Variants in PRKD3 observed in about 807,000 individuals in gnomAD.
The protein encoded by PRKD3 is serine/threonine-protein kinase D3.
PRKD3 carries 47 observed loss-of-function variants against 99.2 expected under a neutral mutation model. The observed-to-expected ratio is 0.47, with a 90% CI of 0.38 to 0.60. The LOEUF (loss-of-function observed/expected upper bound fraction) is 0.60, where lower values mean the gene tolerates loss of function less well. PRKD3 is among the 20% of genes least tolerant of loss of function. The pLI is 0.00. For synonymous variants in PRKD3, 392 were observed against 355.4 expected (o/e 1.10, Z -1.16); for missense variants, 1,019 against 1,088.4 (o/e 0.94, Z 0.90).
At chr2:37,265,878 T>C (rs924102678) in intron 14 of PRKD3, among the ~76,000 whole-genome samples, 1 of 152,178 alleles carries the variant, frequency 6.6e-6, no homozygotes, top group African/African-American at 2.4e-5. Context: ...TTATGATCCA[T>C]AGCTGATAAG....
chr2:37,319,085 C>T (rs1671774036), intron 1 of PRKD3, among the ~76,000 whole-genome samples: 1 of 152,278 alleles, frequency 6.6e-6, no homozygotes, highest in East Asian at 1.9e-4. Flanking sequence ...GTTCTAAGCA[C>T]TTTATACATA....
At chr2:37,292,824 T>TA (rs1670498175) in intron 3 of PRKD3, among the ~76,000 whole-genome samples, 1 of 151,572 alleles carries the variant, frequency 6.6e-6, no homozygotes, top group East Asian at 1.9e-4. Context: ...TTTTTTTTTT[T>TA]AAATTTTTAG....
At position 37,316,694 on chromosome 2, in the gene PRKD3, G is replaced by A; in HGVS notation, c.-170C>T. 7.0e-7 allele frequency: 1 copy of A among 1,430,534 alleles called. No individual in the cohort carries two copies. Among genetic ancestry groups the A allele is most frequent in the Admixed American group, 2.9e-5 (1 of 34,224 alleles). The allele number at this position is 1,430,534 out of a possible 1,614,324, so 88.6% of individuals were successfully genotyped here. A position where few individuals can be genotyped will look rare whatever the true frequency, so the allele number is the denominator to read the frequency against. On this transcript the variant is annotated 5_prime_UTR_variant, in exon 2 of 19. Coordinates refer to ENST00000234179, the MANE Select transcript of PRKD3 (RefSeq NM_005813.6). ...GCCGATACTTTTAAGTTTTATCAAG[G>A]AGTTGAATGCCCCAAAGGTCCTATT... is the stretch of plus-strand genomic sequence containing the variant.
At chr2:37,299,535 C>CACACAG (rs1553376311) in intron 2 of PRKD3, among the ~76,000 whole-genome samples, 22 of 150,840 alleles carry the variant, frequency 1.5e-4, no homozygotes, top group African/African-American at 5.1e-4. Flanking sequence ...CACACACACA[C>CACACAG]ACACACACAC....
chr2:37,315,916 C>T (rs1487619583), intron 2 of PRKD3, among the ~76,000 whole-genome samples: 1 of 152,058 alleles, frequency 6.6e-6, no homozygotes, highest in Non-Finnish European at 1.5e-5. Context: ...GTAGAGATGG[C>T]GTTTCAACAT....
At position 37,252,847 on chromosome 2, in the gene PRKD3, T is replaced by TTATATATTTA. The variant is rs1553362999; in HGVS notation, c.*329_*330insTAAATATATA. 1 of 145,014 alleles carries TTATATATTTA rather than the reference T, an allele frequency of 6.9e-6. No individual in the cohort carries two copies. Among genetic ancestry groups the TTATATATTTA allele is most frequent in the East Asian group, 2.0e-4 (1 of 4,926 alleles). The allele number at this position is 145,014 out of a possible 1,614,324, so 9.0% of individuals were successfully genotyped here. Reference sequence around the variant, plus strand: ...AAAACAAACAAACATATATTTATATTTATATATATATATATAAAGAGAAAT... The same window carrying TTATATATTTA: ...AAAACAAACAAACATATATTTATATTTATATATTTATATATATATATATATAAAGAGAAAT... On this transcript the variant is annotated 3_prime_UTR_variant, in exon 19 of 19. Coordinates refer to ENST00000234179, the MANE Select transcript of PRKD3 (RefSeq NM_005813.6).
At position 37,251,607 on chromosome 2, in the gene PRKD3, C is replaced by G. The variant is rs972527508; in HGVS notation, c.*1570G>C. On this transcript the variant is annotated 3_prime_UTR_variant, in exon 19 of 19. Transcript: ENST00000234179. ...AGGCCTTCTCAGTCTGTTCATGTAC[C>G]AGAACATTCTTTTTTTTTTTTGCTA... 6 of 152,032 alleles carry G rather than the reference C, an allele frequency of 3.9e-5. No individual in the cohort carries two copies. Among genetic ancestry groups the G allele is most frequent in the African/African-American group, 1.5e-4 (6 of 41,354 alleles). The allele number at this position is 152,032 out of a possible 1,614,324, so 9.4% of individuals were successfully genotyped here. A position where few individuals can be genotyped will look rare whatever the true frequency, so the allele number is the denominator to read the frequency against.
intron 2 of PRKD3, among the ~76,000 whole-genome samples, chr2:37,299,511 T>TACACACAC (rs70949749): frequency 9.7e-4 from 129 of 132,590 alleles, no homozygotes; most frequent in South Asian, 3.7e-3. Flanking sequence ...TCTACTAAAA[T>TACACACAC]ACACACACAC....
At chr2:37,265,081 G>C (rs1668746062) in intron 14 of PRKD3, among the ~76,000 whole-genome samples, 1 of 152,176 alleles carries the variant, frequency 6.6e-6, no homozygotes, top group African/African-American at 2.4e-5. Context: ...GACGCCTCTA[G>C]GGATGCAGGT....
At chr2:37,262,902 C>CA (rs1553366978) in intron 14 of PRKD3, among the ~76,000 whole-genome samples, 1 of 151,460 alleles carries the variant, frequency 6.6e-6, no homozygotes, top group African/African-American at 2.4e-5. Context: ...CCTTCCCCCC[C>CA]CCGTATTTGT....
intron 2 of PRKD3, among the ~76,000 whole-genome samples, chr2:37,309,720 T>C (rs542075751): frequency 2.0e-5 from 3 of 152,018 alleles, no homozygotes; most frequent in Non-Finnish European, 4.4e-5. Context: ...TGGTGGTGCG[T>C]GCCTATAATC....
At chr2:37,275,693 C>T (rs1669534533) in intron 10 of PRKD3, 74 bp downstream of exon 10, 2 of 1,432,838 alleles carry the variant, frequency 1.4e-6, no homozygotes, top group Admixed American at 4.5e-5. Flanking sequence ...TCAAATATAA[C>T]AGTTAATGAA....
intron 12 of PRKD3, among the ~76,000 whole-genome samples, chr2:37,271,730 C>A (rs1374832839): frequency 6.6e-6 from 1 of 152,156 alleles, no homozygotes; most frequent in African/African-American, 2.4e-5. Context: ...TGATCTGACA[C>A]GGTTCATTCC....
At chr2:37,260,435 T>C (rs1209145417) in intron 14 of PRKD3, 51 bp from the exon 15 acceptor site, 2 of 1,485,512 alleles carry the variant, frequency 1.3e-6, no homozygotes, top group South Asian at 2.3e-5. Context: ...GAAACAGTTT[T>C]ACTAATATCT....
Position 37,267,472 on chromosome 2 carries a change from T to C in PRKD3, c.1842A>G (p.Thr614=), listed in dbSNP as rs368356726. 107 of 1,611,078 alleles carry C rather than the reference T, an allele frequency of 6.6e-5. No individual in the cohort carries two copies. The highest frequency in any genetic ancestry group is 8.5e-5 in the Non-Finnish European group (100 of 1,178,298). Residue 614 remains threonine (T), a synonymous_variant, in exon 14 of 19, where the codon ACA becomes ACG. Transcript: ENST00000234179. The stretch of plus-strand genomic sequence containing the variant: ...CATTACGGAGTTGACTTTCTTGTTT[T>C]GTGGGGAATCTCATCTTATCAATTA... ...IKVIDKMRFP[T]KQESQLRNEV...
chr2:37,264,380 C>G (rs980766929), intron 14 of PRKD3, among the ~76,000 whole-genome samples: 1 of 152,118 alleles, frequency 6.6e-6, no homozygotes. Context: ...TTAAACAAAA[C>G]TTGACAAAGA....
intron 11 of PRKD3, among the ~76,000 whole-genome samples, chr2:37,273,094 CAA>C (rs1669382220): frequency 6.6e-6 from 1 of 151,990 alleles, no homozygotes; most frequent in Admixed American, 6.6e-5. Context: ...GGTTGGGGGA[CAA>C]AGAGTTTTTA....
At chr2:37,270,618 C>A (rs925104378) in intron 12 of PRKD3, among the ~76,000 whole-genome samples, 3 of 152,160 alleles carry the variant, frequency 2.0e-5, no homozygotes, top group Non-Finnish European at 4.4e-5. Flanking sequence ...CAAAGTGGAA[C>A]TTCACTTAGC....
chr2:37,297,195 G>A (rs1007304727), intron 2 of PRKD3, among the ~76,000 whole-genome samples: 1 of 152,096 alleles, frequency 6.6e-6, no homozygotes, highest in African/African-American at 2.4e-5. Flanking sequence ...CACCTGTAGA[G>A]CTTAAAACAA....
Sources: gnomAD v4.1 joint callset for allele counts (sites outside exome capture counted in the v4.1 genomes callset) on GRCh38, gnomAD v4.1.1 for gene constraint, MANE v1.5 for transcripts, NCBI Gene and HGNC (gene_info 2026-07-23, HGNC 2026-07-21) for gene names.